The following LRRIQ1 variants were observed in gnomAD, a reference collection of about 807,000 sequenced individuals.
The protein encoded by LRRIQ1 is leucine-rich repeat- and IQ domain-containing protein 1.
A neutral mutation model predicts 211.9 loss-of-function variants in LRRIQ1; 210 were observed. That is an observed-to-expected ratio of 0.99 (90% CI 0.89 to 1.11). The LOEUF (loss-of-function observed/expected upper bound fraction) is 1.11. Ranked by LOEUF, LRRIQ1 falls within the 50% of genes most tolerant of loss-of-function variation. The pLI, the probability that LRRIQ1 is intolerant of heterozygous loss-of-function variation, is 0.00. For synonymous variants in LRRIQ1, 699 were observed against 650.1 expected, an observed-to-expected ratio of 1.08 and a Z score of -1.14; for missense variants, 2,136 against 1,939.5, an observed-to-expected ratio of 1.10 and a Z score of -1.90.
intron 11 of LRRIQ1, among the ~76,000 whole-genome samples, chr12:85,079,287 T>C (rs1884017221): frequency 6.8e-6 from 1 of 147,374 alleles, no homozygotes; most frequent in Admixed American, 6.8e-5. Flanking sequence ...TCTCACTCTG[T>C]CTCGGCTTAC....
chr12:85,043,153 T>C (rs1405986508), intron 3 of LRRIQ1, among the ~76,000 whole-genome samples: 1 of 152,122 alleles, frequency 6.6e-6, no homozygotes, highest in African/African-American at 2.4e-5. Flanking sequence ...TGAATATTTA[T>C]TGCTGTGAAA....
At chr12:85,217,508 A>ATATGTGTG (rs1216212048) in intron 24 of LRRIQ1, among the ~76,000 whole-genome samples, 2 of 64,272 alleles carry the variant, frequency 3.1e-5, no homozygotes, top group African/African-American at 1.9e-4. Context: ...ATATATATAT[A>ATATGTGTG]TGTGTGTGTG....
At position 85,127,882 on chromosome 12, in the gene LRRIQ1, G is replaced by T. The variant is rs377231060; in HGVS notation, c.4058G>T (p.Arg1353Ile). 3 of 1,613,980 alleles carry T rather than the reference G, an allele frequency of 1.9e-6. No individual in the cohort carries two copies. The highest frequency in any genetic ancestry group is 2.5e-6 in the Non-Finnish European group (3 of 1,180,020). ...QSYWRGYLMR[R>I]QTHFSTRLHT... Reference sequence around the variant, plus strand: ...TACTGGCGTGGTTACCTCATGCGCAGACAGACTCATTTCTCCACAAGGCTA... The same window carrying T: ...TACTGGCGTGGTTACCTCATGCGCATACAGACTCATTTCTCCACAAGGCTA... Residue 1353 changes from arginine (R) to isoleucine (I), a missense_variant, in exon 18 of 27, where the codon AGA becomes ATA. Coordinates refer to ENST00000393217, the MANE Select transcript of LRRIQ1 (RefSeq NM_001079910.2).
intron 24 of LRRIQ1, among the ~76,000 whole-genome samples, chr12:85,217,466 G>GTATATA (rs1176544778): frequency 7.8e-4 from 52 of 66,996 alleles, no homozygotes; most frequent in East Asian, 2.6e-3. Flanking sequence ...GGGACCTGAA[G>GTATATA]TATATATATA....
At chr12:85,119,385 G>A (rs950827559) in intron 15 of LRRIQ1, among the ~76,000 whole-genome samples, 12 of 151,976 alleles carry the variant, frequency 7.9e-5, no homozygotes, top group African/African-American at 2.4e-4. Context: ...TCTAGTTGTA[G>A]CACAGTTTAT....
chr12:85,221,718 A>G (rs146577336), intron 24 of LRRIQ1, among the ~76,000 whole-genome samples: 2 of 152,300 alleles, frequency 1.3e-5, no homozygotes, highest in Admixed American at 1.3e-4. Flanking sequence ...TAACTACACT[A>G]TGTCTGGGGG....
At chr12:85,137,163 A>G (rs922806603) in intron 18 of LRRIQ1, among the ~76,000 whole-genome samples, 5 of 151,356 alleles carry the variant, frequency 3.3e-5, no homozygotes, top group Non-Finnish European at 7.4e-5. Flanking sequence ...TTTCATAGCT[A>G]AACAGTAACA....
At chr12:85,226,038 T>G (rs2137157533) in intron 24 of LRRIQ1, among the ~76,000 whole-genome samples, 1 of 152,318 alleles carries the variant, frequency 6.6e-6, no homozygotes, top group East Asian at 1.9e-4. Context: ...TGCCTTGGGG[T>G]TAAAATGGTT....
At chr12:85,112,101 C>A (rs977085681) in intron 15 of LRRIQ1, among the ~76,000 whole-genome samples, 10 of 151,938 alleles carry the variant, frequency 6.6e-5, no homozygotes, top group African/African-American at 2.4e-4. Flanking sequence ...AAAATGATTT[C>A]TAAAAACATC....
chr12:85,092,962 A>G (rs1443679617), intron 11 of LRRIQ1, among the ~76,000 whole-genome samples: 1 of 152,224 alleles, frequency 6.6e-6, no homozygotes, highest in African/African-American at 2.4e-5. Context: ...GGCTAGCACC[A>G]TAACCAGACA....
At chr12:85,218,848 C>G (rs1183396693) in intron 24 of LRRIQ1, among the ~76,000 whole-genome samples, 1 of 152,050 alleles carries the variant, frequency 6.6e-6, no homozygotes, top group East Asian at 1.9e-4. Flanking sequence ...ACTGATTTTT[C>G]CTTTTGCATC....
intron 11 of LRRIQ1, among the ~76,000 whole-genome samples, chr12:85,094,723 A>G (rs1403444407): frequency 6.6e-6 from 1 of 151,970 alleles, no homozygotes; most frequent in Non-Finnish European, 1.5e-5. Flanking sequence ...CATGTTAATG[A>G]TGTTGCTTCC....
At chr12:85,240,369 C>T (rs1565923450) in intron 26 of LRRIQ1, among the ~76,000 whole-genome samples, 2 of 152,100 alleles carry the variant, frequency 1.3e-5, no homozygotes, top group Non-Finnish European at 2.9e-5. Flanking sequence ...GAAAATGGTA[C>T]AGCCACTCTG....
At chr12:85,250,534 C>T (rs1895876600) in intron 1 of LRRIQ1, among the ~76,000 whole-genome samples, 1 of 150,496 alleles carries the variant, frequency 6.6e-6, no homozygotes, top group African/African-American at 2.4e-5. Context: ...GAGCCCAGGA[C>T]CTTGAGACCA....
chr12:85,074,030 G>T (rs1025304185), intron 11 of LRRIQ1, among the ~76,000 whole-genome samples: 1 of 151,980 alleles, frequency 6.6e-6, no homozygotes, highest in Admixed American at 6.6e-5. Flanking sequence ...GTAGTTTCAA[G>T]TTTAATTTGT....
At chr12:85,076,103 T>C (rs1883622498) in intron 11 of LRRIQ1, among the ~76,000 whole-genome samples, 1 of 152,068 alleles carries the variant, frequency 6.6e-6, no homozygotes, top group Non-Finnish European at 1.5e-5. Flanking sequence ...GCTGAACAAA[T>C]GTAATGATTT....
chr12:85,234,739 G>A (rs1895095965), intron 26 of LRRIQ1, among the ~76,000 whole-genome samples: 1 of 152,128 alleles, frequency 6.6e-6, no homozygotes, highest in African/African-American at 2.4e-5. Context: ...ACTAGTATAA[G>A]ATTCTTAAAA....
Position 85,065,422 on chromosome 12 carries a change from C to G in LRRIQ1, c.2544+8C>G. On this transcript the variant is annotated splice_region_variant and intron_variant, in intron 9 of 26. Coordinates refer to ENST00000393217, the MANE Select transcript of LRRIQ1 (RefSeq NM_001079910.2). The stretch of plus-strand genomic sequence containing the variant: ...AAGTACATTGATGCACAGGTATGCT[C>G]TCTGCCCTACTGTTATTTATTTTAT... 1 of 1,571,166 alleles carries G rather than the reference C, an allele frequency of 6.4e-7. No homozygotes were observed. Among genetic ancestry groups the G allele is most frequent in the East Asian group, 2.3e-5 (1 of 44,058 alleles).
chr12:85,042,619 TATTTA>T (rs1486699894), intron 3 of LRRIQ1, among the ~76,000 whole-genome samples: 2 of 150,570 alleles, frequency 1.3e-5, no homozygotes, highest in African/African-American at 2.4e-5. Flanking sequence ...TTATATGAAT[TATTTA>T]ATTTAAATTA....
Sources: allele counts gnomAD v4.1 joint callset (sites outside exome capture counted in the v4.1 genomes callset), GRCh38; gene constraint gnomAD v4.1.1; transcripts MANE v1.5; gene names NCBI Gene and HGNC (gene_info 2026-07-23, HGNC 2026-07-21).